The following GRIA4 variants were observed in gnomAD, a reference collection of about 807,000 sequenced individuals.
The protein encoded by GRIA4 is glutamate ionotropic receptor AMPA type subunit 4.
Under a neutral mutation model 104.0 loss-of-function variants are expected in GRIA4, and 34 were observed. The observed-to-expected ratio is 0.33, with a 90% CI of 0.25 to 0.44. GRIA4 has a LOEUF of 0.44. Ranked by LOEUF, GRIA4 falls within the 20% of genes least tolerant of loss-of-function variation. GRIA4 has a pLI of 1.00. For missense variants in GRIA4, 750 were observed against 1,096.5 expected, an observed-to-expected ratio of 0.68 and a Z score of 4.46; for synonymous variants, 386 against 381.9, an observed-to-expected ratio of 1.01 and a Z score of -0.13.
In GRIA4 at chr11:105,904,050, G is replaced by A; in HGVS notation, c.1053+69G>A. The A allele has an allele frequency of 3.7e-6, 4 of 1,080,422 alleles. No homozygotes were observed. The South Asian group carries it at 4.4e-5, about 12-fold the overall frequency. The allele number at this position is 1,080,422 out of a possible 1,614,324, so 66.9% of individuals were successfully genotyped here. On this transcript the variant is annotated intron_variant, in intron 8 of 16. Coordinates refer to ENST00000282499, the MANE Select transcript of GRIA4 (RefSeq NM_000829.4). ...GTTTTAACTGAATGTTCAAAAAACA[G>A]ACTAATTTATCCAAGCACAAATACA...
intron 14 of GRIA4, among the ~76,000 whole-genome samples, chr11:105,965,640 T>G (rs1205841042): frequency 1.3e-5 from 2 of 150,358 alleles, no homozygotes; most frequent in Non-Finnish European, 3.0e-5. Context: ...CAATTCTTTC[T>G]CAATTACTAG....
chr11:105,836,765 C>T (rs748525511), intron 4 of GRIA4, among the ~76,000 whole-genome samples: 4 of 152,090 alleles, frequency 2.6e-5, no homozygotes, highest in Non-Finnish European at 5.9e-5. Context: ...GATTTAAAAG[C>T]CACACTTTGA....
chr11:105,728,181 T>C (rs1025195533), intron 3 of GRIA4, among the ~76,000 whole-genome samples: 1 of 152,182 alleles, frequency 6.6e-6, no homozygotes. Flanking sequence ...TGCAGGAATA[T>C]GTACCAAGTA....
Position 105,794,473 on chromosome 11 carries a change from G to GTATATATA in GRIA4, c.487+41286_487+41293dup, listed in dbSNP as rs71041629. Among the ~76,000 whole-genome samples the GTATATATA allele has an allele frequency of 3.7e-3, 161 of 43,776 alleles. 1 individual carries two copies. The highest frequency in any genetic ancestry group is 9.9e-3 in the African/African-American group (98 of 9,894). The allele number at this position is 43,776 out of a possible 152,430, so 28.7% of individuals were successfully genotyped here. A position where few individuals can be genotyped will look rare whatever the true frequency, so the allele number is the denominator to read the frequency against. On this transcript the variant is annotated intron_variant, in intron 4 of 16. Transcript: ENST00000282499. ...TGTGTCTGTGTGTGTGTATATGTAT[G>GTATATATA]TATATATATATATATATATATATAT...
At chr11:105,781,795 G>A (rs1027009628) in intron 4 of GRIA4, among the ~76,000 whole-genome samples, 12 of 152,038 alleles carry the variant, frequency 7.9e-5, no homozygotes, top group Non-Finnish European at 1.2e-4. Flanking sequence ...ATACCCAGAT[G>A]GCCTAGAACA....
At chr11:105,825,319 T>C (rs61902560) in intron 4 of GRIA4, among the ~76,000 whole-genome samples, 18,788 of 152,072 alleles carry the variant, frequency 0.12, 1,284 homozygotes, top group Admixed American at 0.22. Flanking sequence ...TCAGCCCAGC[T>C]GAACTATTAT....
chr11:105,971,726 G>A (rs535408035), intron 14 of GRIA4, among the ~76,000 whole-genome samples, 188 bp from the exon 15 acceptor site: 1 of 152,224 alleles, frequency 6.6e-6, no homozygotes, highest in Admixed American at 6.5e-5. Context: ...AGCAGTATGT[G>A]CCTGTTACCT....
At chr11:105,904,307 G>T (rs1041646946) in intron 8 of GRIA4, among the ~76,000 whole-genome samples, 2 of 152,284 alleles carry the variant, frequency 1.3e-5, no homozygotes, top group African/African-American at 4.8e-5. Flanking sequence ...GTAATCACTC[G>T]AGGACGTAGG....
At position 105,933,984 on chromosome 11, in the gene GRIA4, A is replaced by T; in HGVS notation, c.2294+15A>T. 6.3e-7 allele frequency: 1 copy of T among 1,594,178 alleles called. No homozygotes were observed. The highest frequency in any genetic ancestry group is 8.6e-7 in the Non-Finnish European group (1 of 1,166,686). ...TCCTCATTAAGGTGGGTGGAATAGT[A>T]TAACAATATAACATGTGTTGTTATA... On this transcript the variant is annotated intron_variant, in intron 14 of 16. Coordinates refer to ENST00000282499, the MANE Select transcript of GRIA4 (RefSeq NM_000829.4).
At chr11:105,894,815 C>T in intron 6 of GRIA4, among the ~76,000 whole-genome samples, 3 of 130,850 alleles carry the variant, frequency 2.3e-5, no homozygotes, top group East Asian at 2.2e-4. Context: ...TTTTTTGAGA[C>T]GGAGTCTCGC....
At chr11:105,628,351 A>T (rs971921742) in intron 3 of GRIA4, among the ~76,000 whole-genome samples, 1 of 152,194 alleles carries the variant, frequency 6.6e-6, no homozygotes, top group African/African-American at 2.4e-5. Flanking sequence ...TTTCATGTAC[A>T]TATATAATAT....
chr11:105,652,234 T>C (rs12421796), intron 3 of GRIA4, among the ~76,000 whole-genome samples: 49,110 of 151,952 alleles, frequency 0.32, 9,201 homozygotes, highest in Non-Finnish European at 0.41. Context: ...CAAGTCATTC[T>C]AAGTTGAAGC....
chr11:105,610,812 G>A (rs962155229), intron 1 of GRIA4, 96 bp from the exon 2 acceptor site: 31 of 570,662 alleles, frequency 5.4e-5, no homozygotes, highest in Non-Finnish European at 9.3e-6. Context: ...AGGAGAACTA[G>A]TCATAATCTT....
At chr11:105,932,481 A>G (rs767085129) in intron 13 of GRIA4, among the ~76,000 whole-genome samples, 18 of 152,162 alleles carry the variant, frequency 1.2e-4, no homozygotes, top group Non-Finnish European at 1.9e-4. Flanking sequence ...ATTAATAAAT[A>G]TATCTTTTGG....
chr11:105,725,835 G>A (rs544315820), intron 3 of GRIA4, among the ~76,000 whole-genome samples: 25 of 152,214 alleles, frequency 1.6e-4, no homozygotes, highest in African/African-American at 4.6e-4. Context: ...ATGAGGGATC[G>A]TGCTGTGAGG....
chr11:105,610,812 G>C, intron 1 of GRIA4, 96 bp from the exon 2 acceptor site: 1 of 570,764 alleles, frequency 1.8e-6, no homozygotes. Context: ...AGGAGAACTA[G>C]TCATAATCTT....
At chr11:105,690,119 C>T (rs926707875) in intron 3 of GRIA4, among the ~76,000 whole-genome samples, 2 of 151,950 alleles carry the variant, frequency 1.3e-5, no homozygotes, top group African/African-American at 2.4e-5. Flanking sequence ...TTTTCTTCAA[C>T]GTCATAGACA....
chr11:105,743,518 G>A (rs1476849611), intron 3 of GRIA4, among the ~76,000 whole-genome samples: 2 of 152,054 alleles, frequency 1.3e-5, no homozygotes, highest in Non-Finnish European at 2.9e-5. Context: ...TCAGACAAGA[G>A]GTTTTCACCG....
intron 3 of GRIA4, among the ~76,000 whole-genome samples, chr11:105,616,078 G>A (rs1950591823): frequency 6.6e-6 from 1 of 151,606 alleles, no homozygotes; most frequent in African/African-American, 2.4e-5. Context: ...AATGGATCAA[G>A]TACTCATGTA....
Sources: gnomAD v4.1 joint callset for allele counts (sites outside exome capture counted in the v4.1 genomes callset) on GRCh38, gnomAD v4.1.1 for gene constraint, MANE v1.5 for transcripts, NCBI Gene and HGNC (gene_info 2026-07-23, HGNC 2026-07-21) for gene names.